FGF14: variants seen among roughly 807,000 people sequenced by gnomAD.
FGF14 encodes fibroblast growth factor homologous factor 4.
In FGF14, 5 loss-of-function variants were observed where a neutral mutation model predicts 25.5. The ratio of observed to expected loss-of-function variants is 0.20; its 90% CI spans 0.10 to 0.41. The LOEUF is 0.41. Among genes scored for constraint, FGF14 ranks in the 10% least tolerant of loss-of-function variants. The pLI, the probability that FGF14 is intolerant of heterozygous loss-of-function variation, is 1.00. For missense variants in FGF14, 222 were observed against 320.1 expected, an observed-to-expected ratio of 0.69 and a Z score of 2.34; for synonymous variants, 138 against 118.3, an observed-to-expected ratio of 1.17 and a Z score of -1.08.
intron 1 of FGF14, among the ~76,000 whole-genome samples, chr13:102,224,254 A>G (rs2050737665): frequency 1.3e-5 from 2 of 152,188 alleles, no homozygotes; most frequent in South Asian, 2.1e-4. Flanking sequence ...CCCGTATTAC[A>G]TCGGCAGGGT....
chr13:102,129,195 A>G (rs1044024250), intron 1 of FGF14, among the ~76,000 whole-genome samples: 2 of 152,204 alleles, frequency 1.3e-5, no homozygotes, highest in Non-Finnish European at 2.9e-5. Context: ...AGCTGTAGTG[A>G]GCTGAAAGCA....
At chr13:102,261,591 G>T (rs201546903) in intron 1 of FGF14, among the ~76,000 whole-genome samples, 1 of 152,158 alleles carries the variant, frequency 6.6e-6, no homozygotes, top group African/African-American at 2.4e-5. Flanking sequence ...GCAGGCCTCA[G>T]AAATAATGAC....
chr13:101,919,264 C>A (rs1479436089), upstream of FGF14, among the ~76,000 whole-genome samples: 1 of 151,798 alleles, frequency 6.6e-6, no homozygotes, highest in African/African-American at 2.4e-5. Flanking sequence ...TTTGAATTTG[C>A]AAATGACTGT....
intron 1 of FGF14, among the ~76,000 whole-genome samples, chr13:102,094,979 G>A (rs1008846416): frequency 2.0e-5 from 3 of 152,094 alleles, no homozygotes; most frequent in African/African-American, 7.2e-5. Flanking sequence ...GTACTTTATG[G>A]AAGGGGTTAT....
At chr13:101,738,795 G>C (rs1382183140) in intron 3 of FGF14, among the ~76,000 whole-genome samples, 1 of 151,666 alleles carries the variant, frequency 6.6e-6, no homozygotes, top group East Asian at 1.9e-4. Context: ...CAGGTTGTTA[G>C]TTGAAAGTGT....
rs749730478 is a variant in FGF14 at position 101,721,669 on chromosome 13, A to ATAAC, written c.*1158_*1161dup. 5.9e-5 allele frequency: 9 copies of ATAAC among 152,218 alleles called. No individual in the cohort carries two copies. The highest frequency in any genetic ancestry group is 7.4e-5 in the Non-Finnish European group (5 of 68,012). 9.4% of individuals were successfully genotyped at this position (152,218 alleles called of 1,614,324 possible). A position where few individuals can be genotyped will look rare whatever the true frequency, so the allele number is the denominator to read the frequency against. ...AAAAATATTAAAGTCTAATTAATTTATAACTAACGTTTGCATTGCTGCTGC... is the reference window on the plus strand; with the variant it reads ...AAAAATATTAAAGTCTAATTAATTTATAACTAACTAACGTTTGCATTGCTGCTGC... On this transcript the variant is annotated 3_prime_UTR_variant, in exon 5 of 5. Transcript: ENST00000376143.
intron 3 of FGF14, among the ~76,000 whole-genome samples, chr13:101,753,270 TAC>T (rs928062758): frequency 3.5e-5 from 5 of 141,424 alleles, no homozygotes; most frequent in South Asian, 2.3e-4. Context: ...TATGATCAAA[TAC>T]ACACACACAC....
At chr13:101,829,276 G>A (rs2140273665) in intron 3 of FGF14, among the ~76,000 whole-genome samples, 1 of 152,234 alleles carries the variant, frequency 6.6e-6, no homozygotes, top group South Asian at 2.1e-4. Flanking sequence ...TCAAAGAGCA[G>A]GGTAATATTA....
At chr13:101,880,144 C>T (rs778732237) in intron 1 of FGF14, among the ~76,000 whole-genome samples, 2 of 152,322 alleles carry the variant, frequency 1.3e-5, no homozygotes, top group South Asian at 2.1e-4. Context: ...ACCCAACTCA[C>T]GGTCCCATTC....
chr13:101,718,495 G>GATTA lies in FGF14; in HGVS notation c.*4332_*4335dup, dbSNP rs895298207. On this transcript the variant is annotated 3_prime_UTR_variant, in exon 5 of 5. Coordinates refer to ENST00000376143, the MANE Select transcript of FGF14 (RefSeq NM_004115.4). ...TCCTGTTTTTAGGAAGTTGCAGTGGGATTAATGTCAATTGGAAGGGATGCA... is the reference window on the plus strand; with the variant it reads ...TCCTGTTTTTAGGAAGTTGCAGTGGGATTAATTAATGTCAATTGGAAGGGATGCA... 1 of 152,074 alleles carries GATTA rather than the reference G, an allele frequency of 6.6e-6. No individual in the cohort carries two copies. Among genetic ancestry groups the GATTA allele is most frequent in the African/African-American group, 2.4e-5 (1 of 41,418 alleles). 9.4% of individuals were successfully genotyped at this position (152,074 alleles called of 1,614,324 possible). A position where few individuals can be genotyped will look rare whatever the true frequency, so the allele number is the denominator to read the frequency against.
At chr13:101,899,133 T>C (rs2476217) in intron 1 of FGF14, among the ~76,000 whole-genome samples, 152,042 of 152,240 alleles carry the variant, frequency 1, 75,922 homozygotes, top group East Asian at 1. Flanking sequence ...CACACACATA[T>C]ATGTGAAAGC....
At chr13:102,161,700 G>GTACCCC (rs781546570) in intron 1 of FGF14, among the ~76,000 whole-genome samples, 5,759 of 138,770 alleles carry the variant, frequency 0.042, 340 homozygotes, top group East Asian at 0.34. Flanking sequence ...AGAAGAAGAA[G>GTACCCC]AAGAAGAAGA....
At chr13:102,377,534 C>T (rs773687786) in intron 1 of FGF14, among the ~76,000 whole-genome samples, 9 of 152,050 alleles carry the variant, frequency 5.9e-5, no homozygotes, top group South Asian at 2.1e-4. Flanking sequence ...AAGGGCCAGG[C>T]GCAGTGGCTC....
intron 1 of FGF14, among the ~76,000 whole-genome samples, chr13:102,054,424 C>A (rs2042343057): frequency 6.6e-6 from 1 of 152,154 alleles, no homozygotes; most frequent in Non-Finnish European, 1.5e-5. Flanking sequence ...TAGTCCCATA[C>A]CACTGTTTGG....
intron 1 of FGF14, among the ~76,000 whole-genome samples, chr13:102,241,169 A>G (rs934157764): frequency 6.6e-6 from 1 of 152,114 alleles, no homozygotes; most frequent in Non-Finnish European, 1.5e-5. Flanking sequence ...GGGCACTCAT[A>G]CAGAAAGGGG....
chr13:101,806,470 G>GA (rs907669170), intron 3 of FGF14, among the ~76,000 whole-genome samples: 13 of 147,902 alleles, frequency 8.8e-5, no homozygotes, highest in South Asian at 2.2e-4. Context: ...TGTACATTGA[G>GA]AAAATTTTTT....
chr13:102,121,835 CTGG>C (rs1445582515), intron 1 of FGF14, among the ~76,000 whole-genome samples: 1 of 152,196 alleles, frequency 6.6e-6, no homozygotes, highest in Non-Finnish European at 1.5e-5. Flanking sequence ...TTTGTCTCAT[CTGG>C]CTTAAAGGCA....
chr13:101,831,154 C>A (rs1399747716), intron 3 of FGF14, among the ~76,000 whole-genome samples: 1 of 151,912 alleles, frequency 6.6e-6, no homozygotes, highest in African/African-American at 2.4e-5. Flanking sequence ...CCCTACCATC[C>A]CATATGATTT....
chr13:101,841,374 T>C (rs901803998), intron 3 of FGF14, among the ~76,000 whole-genome samples: 1 of 151,930 alleles, frequency 6.6e-6, no homozygotes, highest in African/African-American at 2.4e-5. Context: ...AGGTCAAAGA[T>C]CTGTGCTGAT....
Sources: gnomAD v4.1 joint callset for allele counts (sites outside exome capture counted in the v4.1 genomes callset) on GRCh38, gnomAD v4.1.1 for gene constraint, MANE v1.5 for transcripts, NCBI Gene and HGNC (gene_info 2026-07-23, HGNC 2026-07-21) for gene names.